Variants in ZNF682 observed in about 807,000 individuals in gnomAD.
ZNF682 encodes the protein zinc finger protein 682.
Under a neutral mutation model 36.5 loss-of-function variants are expected in ZNF682, and 29 were observed. The observed-to-expected ratio is 0.80, with a 90% CI of 0.59 to 1.08. ZNF682 has a LOEUF of 1.08. Among genes scored for constraint, ZNF682 ranks in the 50% least tolerant of loss-of-function variants. The probability of loss-of-function intolerance (pLI) is 0.00; values close to 1 mark genes in which losing one functional copy is unlikely to be tolerated. For missense variants in ZNF682, 561 were observed against 579.7 expected (o/e 0.97, Z 0.33); for synonymous variants, 180 against 197.0 (o/e 0.91, Z 0.72).
chr19:20,037,786 T>C (rs796340106), intron 1 of ZNF682, among the ~76,000 whole-genome samples: 2 of 152,220 alleles, frequency 1.3e-5, no homozygotes, highest in Admixed American at 6.5e-5. Flanking sequence ...TCCTCAATAC[T>C]AGCATCCAAA....
intron 1 of ZNF682, among the ~76,000 whole-genome samples, chr19:20,038,016 A>T (rs1213003044): frequency 2.0e-5 from 3 of 152,112 alleles, no homozygotes; most frequent in Non-Finnish European, 4.4e-5. Context: ...ACCTCAGGAG[A>T]CACAGCCACT....
Position 20,006,646 on chromosome 19 carries a change from T to C in ZNF682, c.856A>G (p.Thr286Ala). The change falls in exon 4 of 4, where the codon ACA (threonine) becomes GCA (alanine). Residue 286 changes from threonine (T) to alanine (A), a missense_variant. By Grantham distance (58) the Thr-to-Ala change is moderately conservative. Coordinates refer to ENST00000397165, the MANE Select transcript of ZNF682 (RefSeq NM_033196.3). ...KKIHTGEKPYTCEDCGRAFNR... is the reference protein window; with the variant it reads ...KKIHTGEKPYACEDCGRAFNR... Reference sequence around the variant, plus strand: ...AACGCTCTGCCACAGTCTTCACATGTATAGGGTTTTTCTCCTGTATGAATT... The same window carrying C: ...AACGCTCTGCCACAGTCTTCACATGCATAGGGTTTTTCTCCTGTATGAATT... 1 of 1,614,142 alleles carries C rather than the reference T, an allele frequency of 6.2e-7. No homozygotes were observed. Among genetic ancestry groups the C allele is most frequent in the South Asian group, 1.1e-5 (1 of 91,084 alleles).
chr19:20,029,329 G>A (rs371042567), intron 1 of ZNF682, among the ~76,000 whole-genome samples: 2 of 151,076 alleles, frequency 1.3e-5, no homozygotes, highest in South Asian at 2.1e-4. Context: ...GGCCAGGCAC[G>A]GTGGCTCATG....
chr19:19,995,494 G>A (rs1336769395), downstream of ZNF682, among the ~76,000 whole-genome samples: 1 of 152,170 alleles, frequency 6.6e-6, no homozygotes, highest in African/African-American at 2.4e-5. Context: ...ACTTGTTTTT[G>A]TGCTTGACTA....
chr19:20,010,582 C>G (rs1420248843), intron 3 of ZNF682, among the ~76,000 whole-genome samples: 3 of 152,052 alleles, frequency 2.0e-5, no homozygotes, highest in Non-Finnish European at 4.4e-5. Flanking sequence ...TCACTTGAAC[C>G]TGGGAGTCAG....
chr19:20,019,929 G>A (rs941982292), intron 3 of ZNF682, among the ~76,000 whole-genome samples: 16 of 151,798 alleles, frequency 1.1e-4, no homozygotes, highest in Admixed American at 9.8e-4. Flanking sequence ...AAAAAGAATA[G>A]GGCTGGGTAT....
In ZNF682 at chr19:20,024,352, T is replaced by A; in HGVS notation, c.28A>T (p.Thr10Ser). 6.2e-7 allele frequency: 1 copy of A among 1,612,594 alleles called. No homozygotes were observed. The highest frequency in any genetic ancestry group is 1.1e-5 in the South Asian group (1 of 90,726). ...CACTCCTCCAGAGAGAATTCTATGGTCACATCCCTGAATGTCAACAGTTCC... is the reference window on the plus strand; with the variant it reads ...CACTCCTCCAGAGAGAATTCTATGGACACATCCCTGAATGTCAACAGTTCC... MELLTFRDV[T>S]IEFSLEEWEF... is the part of the protein sequence containing the mutation. Residue 10 changes from threonine (T) to serine (S), a missense_variant, in exon 2 of 4, where the codon ACC becomes TCC. Coordinates refer to ENST00000397165, the MANE Select transcript of ZNF682 (RefSeq NM_033196.3).
Position 20,039,466 on chromosome 19 carries a change from G to A in ZNF682, c.-121C>T. The A allele has an allele frequency of 1.5e-6, 2 of 1,355,836 alleles. No homozygotes were observed. Among genetic ancestry groups the A allele is most frequent in the Non-Finnish European group, 2.0e-6 (2 of 979,714 alleles). The allele number at this position is 1,355,836 out of a possible 1,614,324, so 84.0% of individuals were successfully genotyped here. The stretch of plus-strand genomic sequence containing the variant: ...ACTAGAGCAGAGGATACTAAGCAAT[G>A]AAGATGGACCCTGAGCTCTGGCTGG... On this transcript the variant is annotated 5_prime_UTR_variant, in exon 1 of 4. Coordinates refer to ENST00000397165, the MANE Select transcript of ZNF682 (RefSeq NM_033196.3).
intron 3 of ZNF682, among the ~76,000 whole-genome samples, chr19:20,010,066 A>C (rs1419043964): frequency 6.6e-6 from 1 of 152,090 alleles, no homozygotes; most frequent in African/African-American, 2.4e-5. Flanking sequence ...AATTCCAATC[A>C]GGAATTTTAT....
chr19:20,002,347 A>G (rs8109906), downstream of ZNF682, among the ~76,000 whole-genome samples: 2 of 151,316 alleles, frequency 1.3e-5, no homozygotes, highest in Non-Finnish European at 2.9e-5. Flanking sequence ...CCCGCCTTGG[A>G]CTCCCAAGGC....
intron 3 of ZNF682, among the ~76,000 whole-genome samples, chr19:20,016,443 C>T (rs2088335125): frequency 6.6e-6 from 1 of 151,728 alleles, no homozygotes; most frequent in Admixed American, 6.6e-5. Flanking sequence ...GACAACTAAA[C>T]AGAATCAAGA....
chr19:20,006,075 C>G lies in ZNF682; in HGVS notation c.1427G>C (p.Arg476Thr). 2 of 1,612,930 alleles carry G rather than the reference C, an allele frequency of 1.2e-6. No individual in the cohort carries two copies. Among genetic ancestry groups the G allele is most frequent in the Admixed American group, 1.7e-5 (1 of 59,958 alleles). The change falls in exon 4 of 4, where the codon AGA becomes ACA. Residue 476 changes from arginine (R) to threonine (T), a missense_variant. Physicochemically the swap from Arg to Thr is moderately conservative, Grantham distance 71. Coordinates refer to ENST00000397165, the MANE Select transcript of ZNF682 (RefSeq NM_033196.3). ...TTTATACTTGCAGGATTTCTCTCCT[C>G]TTTGAACTCTCTTATGTTCATTAAG... ...SHLNEHKRVQ[R>T]GEKSCKYKKC... is the part of the protein sequence containing the mutation.
At chr19:20,028,002 G>A (rs942812843) in intron 1 of ZNF682, among the ~76,000 whole-genome samples, 2 of 152,060 alleles carry the variant, frequency 1.3e-5, no homozygotes, top group African/African-American at 4.8e-5. Context: ...ACAATTACAT[G>A]GGACACTTAA....
rs113022292 is a variant in ZNF682 at position 20,022,152 on chromosome 19, G to A, written c.226+852C>T. The stretch of plus-strand genomic sequence containing the variant: ...GCCCTGCACTCCAGCCTGGGTGACA[G>A]AGTGAAACTCCGTCGCAAAAAAAAA... On this transcript the variant is annotated intron_variant, in intron 3 of 3. Coordinates refer to ENST00000397165, the MANE Select transcript of ZNF682 (RefSeq NM_033196.3). Among the ~76,000 whole-genome samples the A allele has an allele frequency of 5.6e-3, 787 of 141,430 alleles. 5 individuals are homozygous for A. The highest frequency in any genetic ancestry group is 0.02 in the African/African-American group (763 of 37,816). The allele number at this position is 141,430 out of a possible 152,430, so 92.8% of individuals were successfully genotyped here.
chr19:20,016,062 G>C (rs183977327), intron 3 of ZNF682, among the ~76,000 whole-genome samples: 1 of 152,188 alleles, frequency 6.6e-6, no homozygotes, highest in Non-Finnish European at 1.5e-5. Flanking sequence ...TGTAACCCTA[G>C]CACTTTGGGA....
chr19:20,001,966 T>A (rs116056697), downstream of ZNF682, among the ~76,000 whole-genome samples: 478 of 152,292 alleles, frequency 3.1e-3, 1 homozygote, highest in African/African-American at 0.011. Flanking sequence ...GAATTTTACA[T>A]CATGGGGTCA....
intron 3 of ZNF682, among the ~76,000 whole-genome samples, chr19:20,008,895 C>T (rs190781070): frequency 2.0e-5 from 3 of 152,268 alleles, no homozygotes; most frequent in Admixed American, 2.0e-4. Flanking sequence ...TCTATGAAAT[C>T]CACTGCAGGA....
chr19:20,006,264 G>A lies in ZNF682; in HGVS notation c.1238C>T (p.Thr413Ile). The A allele has an allele frequency of 2.5e-6, 4 of 1,613,584 alleles. No individual in the cohort carries two copies. The highest frequency in any genetic ancestry group is 3.4e-6 in the Non-Finnish European group (4 of 1,179,934). The change falls in exon 4 of 4, where the codon ACT becomes ATT. Residue 413 changes from threonine (T) to isoleucine (I), a missense_variant. Transcript: ENST00000397165. The part of the protein sequence containing the change: ...GKAFNWSSIL[T>I]EHKRIHTGEK... ...TCCAGTATGAATTCTCTTATGTTCAGTAAGGATTGAGGACCAGTTAAAAGC... is the reference window on the plus strand; with the variant it reads ...TCCAGTATGAATTCTCTTATGTTCAATAAGGATTGAGGACCAGTTAAAAGC...
intron 1 of ZNF682, among the ~76,000 whole-genome samples, chr19:20,025,231 A>G (rs1036745485): frequency 8.5e-5 from 13 of 152,242 alleles, no homozygotes; most frequent in Non-Finnish European, 1.8e-4. Context: ...AAGAGAATCT[A>G]AAAAGAAAGG....
Sources: gnomAD v4.1 joint callset for allele counts (sites outside exome capture counted in the v4.1 genomes callset) on GRCh38, gnomAD v4.1.1 for gene constraint, MANE v1.5 for transcripts, NCBI Gene and HGNC (gene_info 2026-07-23, HGNC 2026-07-21) for gene names.